Variants in PARN observed in about 807,000 individuals in gnomAD.
The protein encoded by PARN is poly(A)-specific ribonuclease, also known as poly(A)-specific ribonuclease PARN.
PARN carries 71 observed loss-of-function variants against 102.8 expected under a neutral mutation model. The observed-to-expected ratio is 0.69, with a 90% CI of 0.57 to 0.84. The LOEUF (loss-of-function observed/expected upper bound fraction) is 0.84. Ranked by LOEUF, PARN falls within the 40% of genes least tolerant of loss-of-function variation. The pLI, the probability that PARN is intolerant of heterozygous loss-of-function variation, is 0.00. For synonymous variants in PARN, 261 were observed against 252.9 expected (o/e 1.03, Z -0.30); for missense variants, 782 against 760.9 (o/e 1.03, Z -0.33).
intron 23 of PARN, among the ~76,000 whole-genome samples, chr16:14,442,060 G>A (rs535321622): frequency 5.1e-4 from 78 of 152,236 alleles, no homozygotes; most frequent in Non-Finnish European, 8.5e-4. Flanking sequence ...AAAAATAACC[G>A]GGAATAGTCA....
At chr16:14,604,270 T>G (rs1304034004) in intron 10 of PARN, 44 bp from the exon 11 acceptor site, 1 of 1,278,082 alleles carries the variant, frequency 7.8e-7, no homozygotes, top group South Asian at 1.3e-5. Flanking sequence ...TTCTTTTTCT[T>G]TTTTTTTGAG....
intron 22 of PARN, among the ~76,000 whole-genome samples, chr16:14,456,392 T>C (rs1337219588): frequency 6.6e-6 from 1 of 152,052 alleles, no homozygotes; most frequent in Non-Finnish European, 1.5e-5. Flanking sequence ...CAGGCTGGTT[T>C]TGAACTTCTG....
intron 5 of PARN, among the ~76,000 whole-genome samples, chr16:14,626,107 GTTTT>G (rs568136699): frequency 6.6e-6 from 1 of 151,574 alleles, no homozygotes; most frequent in African/African-American, 2.4e-5. Context: ...AGAAACAGTA[GTTTT>G]TTTTTCTACC....
chr16:14,465,372 T>G (rs759549528), intron 22 of PARN, among the ~76,000 whole-genome samples: 32 of 152,208 alleles, frequency 2.1e-4, no homozygotes, highest in Non-Finnish European at 3.7e-4. Flanking sequence ...CGTGAGCCAA[T>G]GCACCCAGCG....
intron 22 of PARN, among the ~76,000 whole-genome samples, chr16:14,465,304 G>A (rs1037882364): frequency 2.0e-5 from 3 of 152,050 alleles, no homozygotes; most frequent in African/African-American, 4.8e-5. Flanking sequence ...GGCTGGTCTC[G>A]AACTCTGGGC....
intron 21 of PARN, among the ~76,000 whole-genome samples, chr16:14,536,515 T>C (rs892819982): frequency 6.6e-5 from 10 of 152,214 alleles, no homozygotes; most frequent in African/African-American, 2.4e-4. Context: ...ATTATGACTA[T>C]GGCACTAAAT....
At chr16:14,515,773 AT>A (rs888960302) in intron 21 of PARN, among the ~76,000 whole-genome samples, 300 of 145,958 alleles carry the variant, frequency 2.1e-3, no homozygotes, top group Middle Eastern at 3.6e-3. Flanking sequence ...CTGTGTCTTA[AT>A]TTTTTTTTTT....
At chr16:14,498,842 A>C (rs1158020463) in intron 21 of PARN, among the ~76,000 whole-genome samples, 1 of 152,220 alleles carries the variant, frequency 6.6e-6, no homozygotes, top group Non-Finnish European at 1.5e-5. Flanking sequence ...TGAGGATGTT[A>C]TTTTTATTTT....
chr16:14,611,798 G>C (rs553394816), intron 6 of PARN, among the ~76,000 whole-genome samples: 1 of 152,280 alleles, frequency 6.6e-6, no homozygotes, highest in Admixed American at 6.5e-5. Flanking sequence ...GCCTTCCAAA[G>C]TGCTGGGATT....
intron 16 of PARN, among the ~76,000 whole-genome samples, chr16:14,583,236 A>T (rs1421312821): frequency 6.6e-6 from 1 of 152,246 alleles, no homozygotes; most frequent in Non-Finnish European, 1.5e-5. Flanking sequence ...TTATATGGAA[A>T]TAATAACATA....
At position 14,587,855 on chromosome 16, in the gene PARN, C is replaced by T. The variant is rs920079575; in HGVS notation, c.919-1494G>A. ...TTGCTCTTTCTACCAGAATTTAATT[C>T]AAGACCACTTTCATTCCACTTAACG... On this transcript the variant is annotated intron_variant, in intron 13 of 23. Coordinates refer to ENST00000437198, the MANE Select transcript of PARN (RefSeq NM_002582.4). Among the ~76,000 whole-genome samples, 7 of 152,220 alleles carry T rather than the reference C, an allele frequency of 4.6e-5. 1 individual carries two copies. Among genetic ancestry groups the T allele is most frequent in the Admixed American group, 4.6e-4 (7 of 15,282 alleles).
intron 21 of PARN, among the ~76,000 whole-genome samples, chr16:14,546,684 T>G (rs1567370199): frequency 6.6e-6 from 1 of 152,228 alleles, no homozygotes. Context: ...GTCTAAATAT[T>G]GAGAGTATGG....
chr16:14,530,975 TCATCCATCCATC>T (rs56403427), intron 21 of PARN, among the ~76,000 whole-genome samples: 11 of 151,494 alleles, frequency 7.3e-5, no homozygotes, highest in South Asian at 2.1e-4. Context: ...ATTCATTCAT[TCATCCATCCATC>T]CATCCATCCA....
At chr16:14,538,548 T>G (rs987877193) in intron 21 of PARN, among the ~76,000 whole-genome samples, 1 of 152,126 alleles carries the variant, frequency 6.6e-6, no homozygotes, top group Non-Finnish European at 1.5e-5. Context: ...ATGAGATTGA[T>G]GTACTTCAAA....
intron 5 of PARN, among the ~76,000 whole-genome samples, chr16:14,618,659 A>C (rs2151810541): frequency 6.6e-6 from 1 of 150,716 alleles, no homozygotes; most frequent in East Asian, 1.9e-4. Context: ...ACTGTCTCAA[A>C]AAAAAAAAAA....
chr16:14,452,368 T>G lies in PARN; in HGVS notation c.1671-5287A>C, dbSNP rs150886001. Among the ~76,000 whole-genome samples, 6 of 152,314 alleles carry G rather than the reference T, an allele frequency of 3.9e-5. No individual in the cohort carries two copies. The East Asian group carries it at 1.2e-3, about 29-fold the overall frequency. On this transcript the variant is annotated intron_variant, in intron 22 of 23. Transcript: ENST00000437198. ...TTTCCTGAACAGTTTCTCAATTAAT[T>G]TACAACTTTATTTATTTATTTAGAG...
chr16:14,575,754 C>T (rs1596719444), intron 18 of PARN, among the ~76,000 whole-genome samples: 1 of 152,094 alleles, frequency 6.6e-6, no homozygotes, highest in Non-Finnish European at 1.5e-5. Flanking sequence ...ATTCTGAGGA[C>T]ATGAGATGTG....
intron 21 of PARN, among the ~76,000 whole-genome samples, chr16:14,515,668 G>C (rs563976902): frequency 6.6e-5 from 10 of 152,310 alleles, no homozygotes; most frequent in African/African-American, 2.4e-4. Context: ...AGGCATGGTG[G>C]CTTGTACCCA....
chr16:14,547,909 C>T (rs748311612), intron 21 of PARN, among the ~76,000 whole-genome samples: 2 of 151,964 alleles, frequency 1.3e-5, no homozygotes, highest in Non-Finnish European at 2.9e-5. Flanking sequence ...ACCTAAGAGG[C>T]GCTCTGTTTC....
Sources: allele counts gnomAD v4.1 joint callset (sites outside exome capture counted in the v4.1 genomes callset), GRCh38; gene constraint gnomAD v4.1.1; transcripts MANE v1.5; gene names NCBI Gene and HGNC (gene_info 2026-07-23, HGNC 2026-07-21).